KNDC1: variants seen among roughly 807,000 people sequenced by gnomAD.
KNDC1 encodes kinase non-catalytic C-lobe domain-containing protein 1.
In KNDC1, 106 loss-of-function variants were observed where a neutral mutation model predicts 172.8. The ratio of observed to expected loss-of-function variants is 0.61; its 90% CI spans 0.52 to 0.72. The LOEUF is 0.72. KNDC1 is among the 30% of genes least tolerant of loss of function. The probability of loss-of-function intolerance (pLI) is 0.00; values close to 1 mark genes in which losing one functional copy is unlikely to be tolerated. For missense variants in KNDC1, 2,325 were observed against 2,394.5 expected, an observed-to-expected ratio of 0.97 and a Z score of 0.61; for synonymous variants, 1,083 against 1,062.2, an observed-to-expected ratio of 1.02 and a Z score of -0.38.
chr10:133,196,604 G>A (rs1232606978), intron 10 of KNDC1, among the ~76,000 whole-genome samples: 1 of 152,210 alleles, frequency 6.6e-6, no homozygotes, highest in Non-Finnish European at 1.5e-5. Flanking sequence ...AGGAGGATGA[G>A]ATCTAGACAC....
intron 6 of KNDC1, among the ~76,000 whole-genome samples, 198 bp downstream of exon 6, chr10:133,186,872 G>A (rs1360083402): frequency 6.6e-6 from 1 of 152,216 alleles, no homozygotes; most frequent in Non-Finnish European, 1.5e-5. Context: ...TGTCACCCAG[G>A]CGTGGCCTCT....
intron 9 of KNDC1, among the ~76,000 whole-genome samples, chr10:133,194,470 A>T (rs1218335224): frequency 6.6e-6 from 1 of 152,242 alleles, no homozygotes; most frequent in Non-Finnish European, 1.5e-5. Context: ...TGTTGTGGAA[A>T]CTGGGTACAA....
intron 29 of KNDC1, among the ~76,000 whole-genome samples, chr10:133,221,365 G>A (rs1490233384): frequency 2.0e-5 from 3 of 152,124 alleles, no homozygotes; most frequent in African/African-American, 4.8e-5. Flanking sequence ...ACGACCCACA[G>A]GGCTCACACC....
At chr10:133,164,598 A>C (rs1316045844) in intron 1 of KNDC1, among the ~76,000 whole-genome samples, 2 of 152,156 alleles carry the variant, frequency 1.3e-5, no homozygotes, top group African/African-American at 2.4e-5. Flanking sequence ...TGTCGAGGCC[A>C]CCTCGGCAGC....
intron 3 of KNDC1, among the ~76,000 whole-genome samples, chr10:133,169,615 T>C (rs1053493719): frequency 6.6e-6 from 1 of 152,252 alleles, no homozygotes. Flanking sequence ...CACCCCAGCG[T>C]CCAGAACCCA....
At chr10:133,200,748 G>A (rs2136000864) in intron 16 of KNDC1, among the ~76,000 whole-genome samples, 1 of 152,320 alleles carries the variant, frequency 6.6e-6, no homozygotes, top group Middle Eastern at 3.4e-3. Context: ...CTTGGAGGTG[G>A]GGGGTCCTCT....
In KNDC1 at chr10:133,220,097, G is replaced by A. The variant is rs1845552263; in HGVS notation, c.5003G>A (p.Arg1668Lys). 1 of 1,566,256 alleles carries A rather than the reference G, an allele frequency of 6.4e-7. No individual in the cohort carries two copies. Among genetic ancestry groups the A allele is most frequent in the East Asian group, 2.4e-5 (1 of 42,370 alleles). Residue 1668 changes from arginine (R) to lysine (K), a missense_variant, in exon 29 of 30, where the codon AGG becomes AAG. Transcript: ENST00000304613. ...TTCACCATGACCAACGGGGCCCACAGGTGGAGCAAGCTCAGGTGAGGAGGG... is the reference window on the plus strand; with the variant it reads ...TTCACCATGACCAACGGGGCCCACAAGTGGAGCAAGCTCAGGTGAGGAGGG... ...GGFTMTNGAHRWSKLRNIAKV... is the reference protein window; with the variant it reads ...GGFTMTNGAHKWSKLRNIAKV...
chr10:133,161,308 G>A (rs777833656), intron 1 of KNDC1, among the ~76,000 whole-genome samples: 3 of 152,196 alleles, frequency 2.0e-5, no homozygotes, highest in Admixed American at 6.5e-5. Context: ...CCAGGGATCC[G>A]AGATCTGCCA....
chr10:133,203,034 T>C (rs3008384), intron 17 of KNDC1, among the ~76,000 whole-genome samples: 83,441 of 146,004 alleles, frequency 0.57, 23,281 homozygotes, highest in South Asian at 0.66. Context: ...CCCAAACGCA[T>C]GGCGTCCAGC....
rs1241390344 is a variant in KNDC1 at position 133,224,435 on chromosome 10, C to G, written c.5019-224C>G. ...CCTGAGCCTGCAGGGTTTCCATAAG[C>G]GTGTGTGGACTGAAATGTGGATGGA... On this transcript the variant is annotated intron_variant, in intron 29 of 29. Transcript: ENST00000304613. This position sits in a 1 kb window ranked among gnomAD's most constrained non-coding sequence, Gnocchi z 5.4. Among the ~76,000 whole-genome samples, 1 of 152,106 alleles carries G rather than the reference C, an allele frequency of 6.6e-6. No homozygotes were observed. Among genetic ancestry groups the G allele is most frequent in the Non-Finnish European group, 1.5e-5 (1 of 68,032 alleles).
At chr10:133,192,227 G>A (rs1854085483) in intron 9 of KNDC1, among the ~76,000 whole-genome samples, 1 of 152,216 alleles carries the variant, frequency 6.6e-6, no homozygotes, top group African/African-American at 2.4e-5. Flanking sequence ...CAAAGCCAGA[G>A]GCATCACGTT....
Position 133,186,575 on chromosome 10 carries a change from T to C in KNDC1, c.1227T>C (p.Pro409=). 1 of 1,608,236 alleles carries C rather than the reference T, an allele frequency of 6.2e-7. No individual in the cohort carries two copies. The highest frequency in any genetic ancestry group is 8.5e-7 in the Non-Finnish European group (1 of 1,179,896). ...CCAGCCAGGGGCCAGCAGAGGCCCC[T>C]GCAGACCCTCGAGATGCTAGCGGTG... ...SHPSQGPAEA[P]ADPRDASGEA... The change falls in exon 6 of 30, where the codon CCT becomes CCC. Residue 409 remains proline (P), a synonymous_variant. Coordinates refer to ENST00000304613, the MANE Select transcript of KNDC1 (RefSeq NM_152643.8).
chr10:133,169,526 T>C (rs1404495184), intron 3 of KNDC1, among the ~76,000 whole-genome samples: 1 of 152,214 alleles, frequency 6.6e-6, no homozygotes, highest in Non-Finnish European at 1.5e-5. Flanking sequence ...CTGAAACAAG[T>C]GAGGCTGGAG....
rs372422290 is a variant in KNDC1 at position 133,201,581 on chromosome 10, G to A, written c.3070G>A (p.Ala1024Thr). The change falls in exon 17 of 30, where the codon GCA becomes ACA. Residue 1024 changes from alanine (A) to threonine (T), a missense_variant. Physicochemically the swap from Ala to Thr is moderately conservative, Grantham distance 58 (BLOSUM62 0). Transcript: ENST00000304613. ...CTCGGTGTCGGATGTGGACTCGGAC[G>A]CACTGTCACGGGGAAACTTCGAGGT... Reference protein sequence around the residue: ...PTSVSDVDSDALSRGNFEVGF... With the variant: ...PTSVSDVDSDTLSRGNFEVGF... The A allele has an allele frequency of 5.0e-6, 8 of 1,612,824 alleles. No homozygotes were observed. Among genetic ancestry groups the A allele is most frequent in the South Asian group, 1.1e-5 (1 of 91,074 alleles).
rs1350358454 is a variant in KNDC1, at chr10:133,214,222, A to G, written c.4677+100A>G. 30 of 1,288,614 alleles carry G rather than the reference A, an allele frequency of 2.3e-5. 1 individual carries two copies. In the South Asian group the frequency reaches 2.5e-4, roughly 11 times the overall value. 79.8% of individuals were successfully genotyped at this position (1,288,614 alleles called of 1,614,324 possible). The stretch of plus-strand genomic sequence containing the variant: ...AGGCCGTGGCCTGAACCCTCTCCCA[A>G]TGCAGTGAACCCAACTCTGTGTCCC... On this transcript the variant is annotated intron_variant, in intron 26 of 29. Coordinates refer to ENST00000304613, the MANE Select transcript of KNDC1 (RefSeq NM_152643.8).
At position 133,197,065 on chromosome 10, in the gene KNDC1, G is replaced by A. The variant is rs1348038886; in HGVS notation, c.1742G>A (p.Gly581Asp). 6.2e-7 allele frequency: 1 copy of A among 1,612,980 alleles called. No individual in the cohort carries two copies. The highest frequency in any genetic ancestry group is 8.5e-7 in the Non-Finnish European group (1 of 1,179,686). The change falls in exon 11 of 30, where the codon GGC (glycine) becomes GAC (aspartate). Residue 581 changes from glycine (G) to aspartate (D), a missense_variant. By Grantham distance (94) the Gly-to-Asp change is moderately conservative. Coordinates refer to ENST00000304613, the MANE Select transcript of KNDC1 (RefSeq NM_152643.8). ...ACTGTCTCCTCCCTCCAGGTGTGCG[G>A]CAGCTACCTCCTCCAGCGAGGCATG... ...PSAAEAIKVCGSYLLQRGMDS... is the reference protein window; with the variant it reads ...PSAAEAIKVCDSYLLQRGMDS...
chr10:133,222,245 C>G (rs544345170), intron 29 of KNDC1, among the ~76,000 whole-genome samples: 2 of 141,696 alleles, frequency 1.4e-5, no homozygotes, highest in African/African-American at 5.3e-5. Context: ...ATCGCGCCAC[C>G]GCACTCCAGC....
intron 29 of KNDC1, among the ~76,000 whole-genome samples, chr10:133,222,446 C>T (rs202060125): frequency 5.2e-3 from 225 of 42,992 alleles, no homozygotes; most frequent in South Asian, 8.9e-3. Context: ...CTCTTCCCGG[C>T]GTGTGTGTGT....
intron 9 of KNDC1, among the ~76,000 whole-genome samples, chr10:133,193,820 G>A (rs1391902621): frequency 6.6e-6 from 1 of 152,216 alleles, no homozygotes; most frequent in Non-Finnish European, 1.5e-5. Flanking sequence ...AAAATTACCA[G>A]AGATAAAGAG....
Sources: allele counts gnomAD v4.1 joint callset (sites outside exome capture counted in the v4.1 genomes callset), GRCh38; gene constraint gnomAD v4.1.1; non-coding constraint Gnocchi (gnomAD v3.1); transcripts MANE v1.5; gene names NCBI Gene and HGNC (gene_info 2026-07-23, HGNC 2026-07-21).